Variants in SLC9A3 observed in about 807,000 individuals in gnomAD.
SLC9A3 encodes sodium/hydrogen exchanger 3.
Under a neutral mutation model 86.8 loss-of-function variants are expected in SLC9A3, and 37 were observed. That is an observed-to-expected ratio of 0.43 (90% confidence interval 0.33 to 0.56). SLC9A3 has a LOEUF of 0.56. Among genes scored for constraint, SLC9A3 ranks in the 20% least tolerant of loss-of-function variants. SLC9A3 has a pLI of 0.06. For synonymous variants in SLC9A3, 581 were observed against 528.3 expected (o/e 1.10, Z -1.37); for missense variants, 1,011 against 1,171.9 (o/e 0.86, Z 2.00).
At chr5:474,064 C>G (rs1388338846) in intron 16 of SLC9A3, among the ~76,000 whole-genome samples, 6 of 152,148 alleles carry the variant, frequency 3.9e-5, no homozygotes, top group African/African-American at 1.2e-4. Flanking sequence ...CAGCAGGGCG[C>G]TAGAGGAGGA....
At chr5:479,524 C>T (rs112137575) in intron 10 of SLC9A3, 3,674 of 343,702 alleles carry the variant, frequency 0.011, 124 homozygotes, top group African/African-American at 0.069. Context: ...GACCAGGTCC[C>T]GTAACAGCCT....
chr5:482,277 G>A (rs990370079), intron 7 of SLC9A3, 120 bp from the exon 8 acceptor site: 10 of 784,340 alleles, frequency 1.3e-5, no homozygotes, highest in African/African-American at 5.2e-5. Context: ...CCTGCTCTCC[G>A]GGCACCCAGC....
intron 1 of SLC9A3, among the ~76,000 whole-genome samples, chr5:495,190 C>T (rs950494259): frequency 3.3e-5 from 5 of 152,092 alleles, no homozygotes; most frequent in African/African-American, 1.2e-4. Context: ...ACACTTGGCC[C>T]GGGGTCTTTT....
At position 479,839 on chromosome 5, in the gene SLC9A3, A is replaced by G; in HGVS notation, c.1644T>C (p.Ala548=). 1 of 1,613,328 alleles carries G rather than the reference A, an allele frequency of 6.2e-7. No individual in the cohort carries two copies. The highest frequency in any genetic ancestry group is 2.2e-5 in the East Asian group (1 of 44,880). ...LNLKDAISYV[A]EGERRGSLAF... ...GCAGAGCAAGCGGCTCTGCTACCTC[A>G]GCCACGTAGCTGATGGCATCCTTCA... The change falls in exon 10 of 17, where the codon GCT becomes GCC. Residue 548 remains alanine, a synonymous_variant. Transcript: ENST00000264938.
At chr5:521,063 G>C (rs73730851) in intron 1 of SLC9A3, among the ~76,000 whole-genome samples, 1 of 152,214 alleles carries the variant, frequency 6.6e-6, no homozygotes, top group Admixed American at 6.5e-5. Flanking sequence ...AGGCCCTGCC[G>C]CCTCCACTGC....
At chr5:508,678 G>T (rs544034188) in intron 1 of SLC9A3, among the ~76,000 whole-genome samples, 2 of 152,310 alleles carry the variant, frequency 1.3e-5, no homozygotes, top group Admixed American at 6.5e-5. Flanking sequence ...TGGAGATGCC[G>T]CAGGGAGACG....
rs138694174 is a variant in SLC9A3 at position 496,421 on chromosome 5, G to C, written c.212-4350C>G. Reference sequence around the variant, plus strand: ...GCCTCTGACGACCTGTGGGTGACGCGTGAACGACCCCGTTCTGTGAAAGTG... The same window carrying C: ...GCCTCTGACGACCTGTGGGTGACGCCTGAACGACCCCGTTCTGTGAAAGTG... On this transcript the variant is annotated intron_variant, in intron 1 of 16. Coordinates refer to ENST00000264938, the MANE Select transcript of SLC9A3 (RefSeq NM_004174.4). The surrounding 1 kb of genome is among the most constrained non-coding windows in gnomAD (Gnocchi z 4.7). Among the ~76,000 whole-genome samples the C allele has an allele frequency of 1.3e-4, 20 of 152,218 alleles. No homozygotes were observed. The highest frequency in any genetic ancestry group is 4.6e-4 in the Admixed American group (7 of 15,290).
intron 3 of SLC9A3, 100 bp downstream of exon 3, chr5:488,214 CAG>C: frequency 7.6e-7 from 1 of 1,322,182 alleles, no homozygotes; most frequent in Admixed American, 1.9e-5. Flanking sequence ...AGTTTGAGGA[CAG>C]GGTTTCACGC....
At position 471,698 on chromosome 5, in the gene SLC9A3, G is replaced by A; in HGVS notation, c.*1681C>T. ...TTGGTTGAAATGGCTACGAAGTGTG[G>A]AGAATAACCACTGAATCCCAAAAAG... is the stretch of plus-strand genomic sequence containing the variant. On this transcript the variant is annotated 3_prime_UTR_variant, in exon 17 of 17. Coordinates refer to ENST00000264938, the MANE Select transcript of SLC9A3 (RefSeq NM_004174.4). The A allele has an allele frequency of 2.3e-6, 1 of 441,068 alleles. No homozygotes were observed. Among genetic ancestry groups the A allele is most frequent in the East Asian group, 7.0e-5 (1 of 14,286 alleles). 27.3% of individuals were successfully genotyped at this position (441,068 alleles called of 1,614,324 possible).
intron 1 of SLC9A3, among the ~76,000 whole-genome samples, chr5:507,165 T>G (rs534237665): frequency 2.6e-4 from 16 of 62,360 alleles, no homozygotes; most frequent in South Asian, 1.6e-3. Flanking sequence ...GGCTGCTGCT[T>G]CTTTTTTTTT....
At chr5:510,718 C>T (rs899906131) in intron 1 of SLC9A3, among the ~76,000 whole-genome samples, 2 of 152,088 alleles carry the variant, frequency 1.3e-5, no homozygotes, top group Non-Finnish European at 2.9e-5. Context: ...TCCTGTGAGT[C>T]GATGGGGTCA....
intron 7 of SLC9A3, 81 bp downstream of exon 7, chr5:482,467 A>G (rs1739250419): frequency 1.7e-6 from 2 of 1,202,538 alleles, no homozygotes; most frequent in Non-Finnish European, 2.4e-6. Context: ...TGGAGCCTGG[A>G]AATGCTTGTC....
intron 3 of SLC9A3, among the ~76,000 whole-genome samples, chr5:486,550 C>T (rs1739481342): frequency 6.6e-6 from 1 of 152,206 alleles, no homozygotes. Context: ...CCTCCAGGGA[C>T]ACCCACACAC....
At chr5:522,754 A>G in intron 1 of SLC9A3, among the ~76,000 whole-genome samples, 1 of 151,814 alleles carries the variant, frequency 6.6e-6, no homozygotes, top group African/African-American at 2.4e-5. Context: ...AAAAAAAAAA[A>G]AGAAAAAAAA....
In SLC9A3 at chr5:524,248, G is replaced by A; in HGVS notation, c.75C>T (p.Ala25=). 6.9e-7 allele frequency: 1 copy of A among 1,458,966 alleles called. No individual in the cohort carries two copies. 90.4% of individuals were successfully genotyped at this position (1,458,966 alleles called of 1,614,324 possible). Residue 25 remains alanine (A), a synonymous_variant, in exon 1 of 17, where the codon GCC becomes GCT. Coordinates refer to ENST00000264938, the MANE Select transcript of SLC9A3 (RefSeq NM_004174.4). ...LALALGGLAR[A]GGVEVEPGGA... ...CGCCGGGCTCCACCTCGACGCCCCC[G>A]GCCCGCGCCAGCCCGCCCAGCGCCA...
At chr5:501,184 C>T (rs72702726) in intron 1 of SLC9A3, among the ~76,000 whole-genome samples, 4,470 of 152,248 alleles carry the variant, frequency 0.029, 101 homozygotes, top group Non-Finnish European at 0.046. Flanking sequence ...GGATGGGCGC[C>T]GGAAAGGGCT....
At chr5:482,482 A>G in intron 7 of SLC9A3, 66 bp downstream of exon 7, 1 of 1,325,864 alleles carries the variant, frequency 7.5e-7, no homozygotes, top group East Asian at 2.3e-5. Flanking sequence ...CTTGTCCTGA[A>G]GTGCGGGCCC....
chr5:472,924 G>A lies in SLC9A3; in HGVS notation c.*455C>T. ...CCGGCAGCGGTGGGAAAGGGCGCGAGCGGCCAGCCATGGCGCGCGGACCCT... is the reference window on the plus strand; with the variant it reads ...CCGGCAGCGGTGGGAAAGGGCGCGAACGGCCAGCCATGGCGCGCGGACCCT... On this transcript the variant is annotated 3_prime_UTR_variant, in exon 17 of 17. Coordinates refer to ENST00000264938, the MANE Select transcript of SLC9A3 (RefSeq NM_004174.4). The A allele has an allele frequency of 7.3e-6, 4 of 544,876 alleles. No individual in the cohort carries two copies. Among genetic ancestry groups the A allele is most frequent in the Non-Finnish European group, 1.3e-5 (4 of 303,212 alleles). The allele number at this position is 544,876 out of a possible 1,614,324, so 33.8% of individuals were successfully genotyped here. A position where few individuals can be genotyped will look rare whatever the true frequency, so the allele number is the denominator to read the frequency against.
intron 1 of SLC9A3, among the ~76,000 whole-genome samples, chr5:494,673 C>G (rs1279213443): frequency 2.0e-5 from 3 of 152,160 alleles, no homozygotes. Context: ...TTAGGAAGAC[C>G]AGGGTGGTCT....
Sources: allele counts gnomAD v4.1 joint callset (sites outside exome capture counted in the v4.1 genomes callset), GRCh38; gene constraint gnomAD v4.1.1; non-coding constraint Gnocchi (gnomAD v3.1); transcripts MANE v1.5; gene names NCBI Gene and HGNC (gene_info 2026-07-23, HGNC 2026-07-21).